Variants in UVRAG observed in about 807,000 individuals in gnomAD.
The protein encoded by UVRAG is UV radiation resistance-associated gene protein.
In UVRAG, 19 loss-of-function variants were observed where a neutral mutation model predicts 78.0. The observed-to-expected ratio is 0.24, with a 90% CI of 0.17 to 0.36. The LOEUF (loss-of-function observed/expected upper bound fraction) is 0.36. UVRAG is among the 10% of genes least tolerant of loss of function. UVRAG has a pLI of 1.00. For missense variants in UVRAG, 740 were observed against 853.8 expected, an observed-to-expected ratio of 0.87 and a Z score of 1.66; for synonymous variants, 323 against 324.6, an observed-to-expected ratio of 1.00 and a Z score of 0.05.
rs1157816895 is a variant in UVRAG at position 76,142,455 on chromosome 11, A to G, written c.*1042A>G. On this transcript the variant is annotated 3_prime_UTR_variant, in exon 15 of 15. Transcript: ENST00000356136. ...GAGGCTAGACGAGACATAGAATACT[A>G]TTGGTATGTGTGCAATTTCATGAAT... 6.6e-6 allele frequency: 1 copy of G among 152,590 alleles called. No individual in the cohort carries two copies. Among genetic ancestry groups the G allele is most frequent in the Non-Finnish European group, 1.5e-5 (1 of 68,032 alleles). 9.5% of individuals were successfully genotyped at this position (152,590 alleles called of 1,614,324 possible).
At chr11:75,880,187 A>C in intron 4 of UVRAG, 147 bp downstream of exon 4, 1 of 844,302 alleles carries the variant, frequency 1.2e-6, no homozygotes, top group Non-Finnish European at 1.8e-6. Context: ...GACCTTGATG[A>C]TCATTTACAT....
intron 2 of UVRAG, among the ~76,000 whole-genome samples, chr11:75,853,517 C>T (rs750453848): frequency 5.3e-5 from 8 of 152,116 alleles, no homozygotes; most frequent in Admixed American, 2.0e-4. Context: ...CATGCCACCA[C>T]GCCTGGCTAA....
intron 13 of UVRAG, among the ~76,000 whole-genome samples, chr11:76,110,425 C>A (rs2134457707): frequency 6.6e-6 from 1 of 152,242 alleles, no homozygotes; most frequent in South Asian, 2.1e-4. Flanking sequence ...TAGTAAGTGA[C>A]AGTACTGGTA....
intron 12 of UVRAG, among the ~76,000 whole-genome samples, chr11:76,053,087 C>G (rs575683524): frequency 2.1e-4 from 32 of 151,440 alleles, no homozygotes; most frequent in Non-Finnish European, 4.0e-4. Context: ...GGGTGAATCA[C>G]CGAAGGTCAG....
chr11:75,964,371 G>C (rs1008467326), intron 7 of UVRAG, among the ~76,000 whole-genome samples: 1 of 152,182 alleles, frequency 6.6e-6, no homozygotes, highest in African/African-American at 2.4e-5. Context: ...TCTGGGCCTG[G>C]AGGTTTTTTT....
At chr11:76,072,630 C>T (rs1313506975) in intron 13 of UVRAG, among the ~76,000 whole-genome samples, 1 of 152,178 alleles carries the variant, frequency 6.6e-6, no homozygotes, top group Non-Finnish European at 1.5e-5. Flanking sequence ...TTAACCACAA[C>T]TCACACCATA....
chr11:75,933,538 G>A (rs1948288926), intron 6 of UVRAG, among the ~76,000 whole-genome samples: 1 of 151,348 alleles, frequency 6.6e-6, no homozygotes. Context: ...CTTCTGCACA[G>A]CAAACAATCA....
At chr11:76,113,119 A>C (rs987021055) in intron 13 of UVRAG, among the ~76,000 whole-genome samples, 1 of 152,202 alleles carries the variant, frequency 6.6e-6, no homozygotes, top group Non-Finnish European at 1.5e-5. Context: ...AACAAACAAA[A>C]AAGTACAAGA....
intron 12 of UVRAG, among the ~76,000 whole-genome samples, chr11:76,060,910 C>T (rs528184104): frequency 5.3e-4 from 80 of 152,350 alleles, no homozygotes; most frequent in East Asian, 1.7e-3. Context: ...TGCTCCATGG[C>T]GCCCAGTGCC....
At position 75,904,976 on chromosome 11, in the gene UVRAG, A is replaced by G. The variant is rs145128123; in HGVS notation, c.508-6978A>G. 4.8e-3 allele frequency among the ~76,000 whole-genome samples: 729 copies of G among 152,316 alleles called. 4 individuals are homozygous for G. Among genetic ancestry groups the G allele is most frequent in the African/African-American group, 0.016 (665 of 41,570 alleles). On this transcript the variant is annotated intron_variant, in intron 5 of 14. Coordinates refer to ENST00000356136, the MANE Select transcript of UVRAG (RefSeq NM_003369.4). ...CTTACTTATGCGATAGGCAGAGTAG[A>G]TTAAAACCCAGGATTCTAGCTTTCA...
intron 6 of UVRAG, among the ~76,000 whole-genome samples, chr11:75,951,697 T>A (rs1210200066): frequency 6.6e-6 from 1 of 152,206 alleles, no homozygotes; most frequent in Non-Finnish European, 1.5e-5. Flanking sequence ...TTATATTTCA[T>A]TGATCTGTTT....
chr11:76,143,787 T>A lies in UVRAG; in HGVS notation c.*2374T>A, dbSNP rs1952762764. On this transcript the variant is annotated 3_prime_UTR_variant, in exon 15 of 15. Coordinates refer to ENST00000356136, the MANE Select transcript of UVRAG (RefSeq NM_003369.4). The stretch of plus-strand genomic sequence containing the variant: ...AAGTGGCTGGGGCCAAAATAAGGGA[T>A]GAGTTATTATCTCCTACTAACCTTT... 6.6e-6 allele frequency among the ~76,000 whole-genome samples: 1 copy of A among 152,242 alleles called. No homozygotes were observed. The highest frequency in any genetic ancestry group is 6.5e-5 in the Admixed American group (1 of 15,290).
At chr11:76,115,437 A>G (rs187741783) in intron 13 of UVRAG, among the ~76,000 whole-genome samples, 8 of 152,340 alleles carry the variant, frequency 5.3e-5, no homozygotes, top group African/African-American at 1.7e-4. Context: ...GCCAGACACT[A>G]TTGGAGTCAG....
Position 75,815,518 on chromosome 11 carries a change from T to C in UVRAG, c.111T>C (p.Ser37=). 1 of 1,236,346 alleles carries C rather than the reference T, an allele frequency of 8.1e-7. No individual in the cohort carries two copies. Among genetic ancestry groups the C allele is most frequent in the Non-Finnish European group, 1.0e-6 (1 of 989,422 alleles). 76.6% of individuals were successfully genotyped at this position (1,236,346 alleles called of 1,614,324 possible). A position where few individuals can be genotyped will look rare whatever the true frequency, so the allele number is the denominator to read the frequency against. ...GGGCCCTGCATGTGGAGCTGCCGTCTCAGCAGGTAAGCCCGCGCGGCTCGC... is the reference window on the plus strand; with the variant it reads ...GGGCCCTGCATGTGGAGCTGCCGTCCCAGCAGGTAAGCCCGCGCGGCTCGC... ...AARALHVELP[S]QQRRLRHLRN... Residue 37 remains serine, a synonymous_variant, in exon 1 of 15, where the codon TCT becomes TCC. Coordinates refer to ENST00000356136, the MANE Select transcript of UVRAG (RefSeq NM_003369.4).
At chr11:75,905,661 T>G (rs1947598129) in intron 5 of UVRAG, among the ~76,000 whole-genome samples, 1 of 152,136 alleles carries the variant, frequency 6.6e-6, no homozygotes, top group South Asian at 2.1e-4. Flanking sequence ...ATTGCATGTG[T>G]ACACACACAG....
At chr11:76,029,696 T>TA (rs796330415) in intron 12 of UVRAG, among the ~76,000 whole-genome samples, 7 of 152,188 alleles carry the variant, frequency 4.6e-5, no homozygotes, top group African/African-American at 1.2e-4. Flanking sequence ...GAAGATGATG[T>TA]AAAAAAAGGA....
At chr11:75,989,789 T>C (rs1254058075) in intron 8 of UVRAG, among the ~76,000 whole-genome samples, 5 of 152,240 alleles carry the variant, frequency 3.3e-5, no homozygotes, top group Non-Finnish European at 1.5e-5. Flanking sequence ...TTCGCACTTA[T>C]TTGGTAAGCC....
chr11:75,851,529 C>T (rs1010102788), intron 1 of UVRAG, among the ~76,000 whole-genome samples: 2 of 152,184 alleles, frequency 1.3e-5, no homozygotes, highest in African/African-American at 2.4e-5. Context: ...TTTTATATGT[C>T]TATCAGAATC....
chr11:76,030,284 C>T (rs866276152), intron 12 of UVRAG, among the ~76,000 whole-genome samples: 49 of 152,096 alleles, frequency 3.2e-4, no homozygotes, highest in African/African-American at 1.1e-3. Flanking sequence ...ACTTCTCTCT[C>T]ACCCTCCCAA....
Sources: gnomAD v4.1 joint callset for allele counts (sites outside exome capture counted in the v4.1 genomes callset) on GRCh38, gnomAD v4.1.1 for gene constraint, MANE v1.5 for transcripts, NCBI Gene and HGNC (gene_info 2026-07-23, HGNC 2026-07-21) for gene names.